CCSER1: variants seen among roughly 807,000 people sequenced by gnomAD.
CCSER1 encodes the protein coiled-coil serine rich protein 1.
A neutral mutation model predicts 82.0 loss-of-function variants in CCSER1; 41 were observed. The ratio of observed to expected loss-of-function variants is 0.50; its 90% CI spans 0.39 to 0.65. The LOEUF is 0.65. Ranked by LOEUF, CCSER1 falls within the 30% of genes least tolerant of loss-of-function variation. CCSER1 has a pLI of 0.00. For synonymous variants in CCSER1, 414 were observed against 383.9 expected, an observed-to-expected ratio of 1.08 and a Z score of -0.92; for missense variants, 1,119 against 1,064.2, an observed-to-expected ratio of 1.05 and a Z score of -0.72.
At position 90,444,913 on chromosome 4, in the gene CCSER1, G is replaced by A. The variant is rs147723366; in HGVS notation, c.1604-23321G>A. On this transcript the variant is annotated intron_variant, in intron 4 of 10. Coordinates refer to ENST00000509176, the MANE Select transcript of CCSER1 (RefSeq NM_001145065.2). ...TTAACAAACATAATTTACAGTGAAC[G>A]CATGACATTTATTATATTGGAATCT... is the stretch of plus-strand genomic sequence containing the variant. Among the ~76,000 whole-genome samples, 52 of 151,866 alleles carry A rather than the reference G, an allele frequency of 3.4e-4. No individual in the cohort carries two copies. The East Asian group carries it at 9.3e-3, about 27-fold the overall frequency.
At chr4:91,445,760 C>A (rs1219185600) in intron 10 of CCSER1, among the ~76,000 whole-genome samples, 1 of 151,900 alleles carries the variant, frequency 6.6e-6, no homozygotes, top group African/African-American at 2.4e-5. Flanking sequence ...GCAAAGGTAC[C>A]TTCTATTAAC....
intron 7 of CCSER1, among the ~76,000 whole-genome samples, chr4:90,794,653 T>C (rs2023967215): frequency 6.6e-6 from 1 of 152,182 alleles, no homozygotes; most frequent in African/African-American, 2.4e-5. Flanking sequence ...GGCGTTCTTT[T>C]TTTTCCTTGT....
At chr4:91,133,394 C>G (rs1230158092) in intron 10 of CCSER1, among the ~76,000 whole-genome samples, 2 of 152,018 alleles carry the variant, frequency 1.3e-5, no homozygotes, top group Non-Finnish European at 2.9e-5. Flanking sequence ...TTCATGAAGT[C>G]AGATATTGAT....
chr4:90,664,865 A>C (rs55956332), intron 6 of CCSER1, among the ~76,000 whole-genome samples: 38,825 of 152,090 alleles, frequency 0.26, 5,216 homozygotes, highest in South Asian at 0.37. Flanking sequence ...ACACCATTGC[A>C]CTCCAGCCTG....
At chr4:91,292,068 C>T (rs1011084489) in intron 10 of CCSER1, among the ~76,000 whole-genome samples, 5 of 151,936 alleles carry the variant, frequency 3.3e-5, no homozygotes, top group Non-Finnish European at 5.9e-5. Flanking sequence ...AACTAGCAAG[C>T]GATGCCTGAG....
intron 3 of CCSER1, among the ~76,000 whole-genome samples, chr4:90,398,104 C>T (rs1381260571): frequency 6.6e-6 from 1 of 152,144 alleles, no homozygotes; most frequent in African/African-American, 2.4e-5. Flanking sequence ...TGCAAATGAC[C>T]TATCTTCCCT....
intron 10 of CCSER1, among the ~76,000 whole-genome samples, chr4:91,314,049 C>T (rs1745664940): frequency 6.6e-6 from 1 of 151,972 alleles, no homozygotes; most frequent in Non-Finnish European, 1.5e-5. Context: ...ATGTCAACAT[C>T]TTCAAAACGG....
chr4:91,472,979 C>A (rs1200769704), intron 10 of CCSER1, among the ~76,000 whole-genome samples: 1 of 152,144 alleles, frequency 6.6e-6, no homozygotes, highest in Non-Finnish European at 1.5e-5. Flanking sequence ...CTCGTTTTTC[C>A]TATGACAGTC....
chr4:90,607,170 A>C (rs1579434728), intron 5 of CCSER1, among the ~76,000 whole-genome samples: 1 of 152,194 alleles, frequency 6.6e-6, no homozygotes, highest in Admixed American at 6.5e-5. Flanking sequence ...AAAGCGTCAG[A>C]ATATAATACA....
chr4:90,626,100 G>A (rs1299596171), intron 5 of CCSER1, among the ~76,000 whole-genome samples: 1 of 152,128 alleles, frequency 6.6e-6, no homozygotes, highest in Non-Finnish European at 1.5e-5. Flanking sequence ...GAAACTTAGA[G>A]CCATGGACAG....
chr4:91,486,820 T>C (rs1343035385), intron 10 of CCSER1, among the ~76,000 whole-genome samples: 1 of 152,080 alleles, frequency 6.6e-6, no homozygotes, highest in Non-Finnish European at 1.5e-5. Flanking sequence ...TGCCCTGGGA[T>C]CCCAAGGTAT....
intron 10 of CCSER1, among the ~76,000 whole-genome samples, chr4:91,307,098 T>C (rs545034573): frequency 6.6e-6 from 1 of 152,076 alleles, no homozygotes; most frequent in East Asian, 1.9e-4. Context: ...CAATCTATGA[T>C]TTTTCAAATG....
intron 9 of CCSER1, among the ~76,000 whole-genome samples, chr4:91,078,985 C>T (rs898893464): frequency 6.6e-6 from 1 of 152,126 alleles, no homozygotes; most frequent in Non-Finnish European, 1.5e-5. Flanking sequence ...GAGAATGGAA[C>T]CAAGTTGGAA....
chr4:90,461,635 C>T (rs1236612910), intron 4 of CCSER1, among the ~76,000 whole-genome samples: 2 of 152,100 alleles, frequency 1.3e-5, no homozygotes, highest in Admixed American at 1.3e-4. Flanking sequence ...CCTTTTAGCA[C>T]ACTCTTTCCT....
intron 5 of CCSER1, among the ~76,000 whole-genome samples, chr4:90,578,931 G>A (rs1478436764): frequency 6.6e-6 from 1 of 151,976 alleles, no homozygotes; most frequent in Non-Finnish European, 1.5e-5. Flanking sequence ...CTATTTTAAA[G>A]CATTGGTACT....
At chr4:91,036,619 A>G (rs1741453751) in intron 9 of CCSER1, among the ~76,000 whole-genome samples, 1 of 152,174 alleles carries the variant, frequency 6.6e-6, no homozygotes, top group Non-Finnish European at 1.5e-5. Flanking sequence ...CAAACTGTGA[A>G]AGGTAAAAAC....
intron 9 of CCSER1, among the ~76,000 whole-genome samples, chr4:90,932,995 A>AGT (rs1730279836): frequency 4.2e-5 from 2 of 47,690 alleles, no homozygotes; most frequent in African/African-American, 2.7e-4. Context: ...AAAGAAAGAA[A>AGT]GAAAGAAAGA....
chr4:91,194,941 A>T (rs1735290993), intron 10 of CCSER1, among the ~76,000 whole-genome samples: 1 of 152,232 alleles, frequency 6.6e-6, no homozygotes, highest in Non-Finnish European at 1.5e-5. Context: ...TACAAAAAGT[A>T]ATTGGGTTAT....
chr4:90,686,831 A>G (rs1022188892), intron 6 of CCSER1, among the ~76,000 whole-genome samples: 4 of 152,182 alleles, frequency 2.6e-5, no homozygotes, highest in Non-Finnish European at 5.9e-5. Flanking sequence ...CTCCTCTGCC[A>G]ATTTAGTGTT....
Sources: gnomAD v4.1 joint callset for allele counts (sites outside exome capture counted in the v4.1 genomes callset) on GRCh38, gnomAD v4.1.1 for gene constraint, MANE v1.5 for transcripts, NCBI Gene and HGNC (gene_info 2026-07-23, HGNC 2026-07-21) for gene names.